The following FRMD5 variants were observed in gnomAD, a reference collection of about 807,000 sequenced individuals.
FRMD5 encodes the protein FERM domain containing 5.
A neutral mutation model predicts 69.0 loss-of-function variants in FRMD5; 20 were observed. The ratio of observed to expected loss-of-function variants is 0.29; its 90% CI spans 0.20 to 0.42. The LOEUF is 0.42. FRMD5 is among the 10% of genes least tolerant of loss of function. FRMD5 has a pLI of 1.00. For synonymous variants in FRMD5, 271 were observed against 260.1 expected (o/e 1.04, Z -0.40); for missense variants, 595 against 708.6 (o/e 0.84, Z 1.82).
At chr15:44,170,498 G>T (rs1183031943) in intron 1 of FRMD5, among the ~76,000 whole-genome samples, 1 of 151,910 alleles carries the variant, frequency 6.6e-6, no homozygotes, top group Non-Finnish European at 1.5e-5. Flanking sequence ...TCTCCAGCCT[G>T]GGCAACAGAG....
chr15:44,129,350 T>C (rs1595498095), intron 1 of FRMD5, among the ~76,000 whole-genome samples: 1 of 152,200 alleles, frequency 6.6e-6, no homozygotes. Flanking sequence ...AGTCAGATTC[T>C]AGAATTGCAA....
chr15:44,027,584 C>T (rs1408428488), intron 1 of FRMD5, among the ~76,000 whole-genome samples: 2 of 151,588 alleles, frequency 1.3e-5, no homozygotes, highest in Non-Finnish European at 2.9e-5. Flanking sequence ...ATGCCACTTT[C>T]ACGGCAGAAG....
intron 1 of FRMD5, among the ~76,000 whole-genome samples, chr15:44,135,230 C>G (rs914039225): frequency 3.3e-5 from 5 of 152,122 alleles, no homozygotes; most frequent in Admixed American, 1.3e-4. Context: ...AGAGTAGTGC[C>G]AGAAGCCTGG....
At chr15:43,946,788 G>A (rs776339357) in intron 1 of FRMD5, among the ~76,000 whole-genome samples, 56 of 152,246 alleles carry the variant, frequency 3.7e-4, no homozygotes, top group Non-Finnish European at 7.2e-4. Context: ...CCTACATGGT[G>A]GTCACATGGC....
At chr15:43,997,011 A>G (rs985451011) in intron 1 of FRMD5, among the ~76,000 whole-genome samples, 13 of 152,322 alleles carry the variant, frequency 8.5e-5, no homozygotes, top group South Asian at 2.1e-4. Flanking sequence ...TTAAAACATG[A>G]ATATCACTGA....
upstream of FRMD5, among the ~76,000 whole-genome samples, chr15:44,198,326 CAAA>C (rs35320478): frequency 9.3e-5 from 9 of 96,592 alleles, no homozygotes; most frequent in African/African-American, 4.2e-5. Context: ...GATCCTGTCT[CAAA>C]AAAAAAAAAA....
At chr15:43,970,146 C>T (rs1272680882) in intron 1 of FRMD5, among the ~76,000 whole-genome samples, 5 of 152,218 alleles carry the variant, frequency 3.3e-5, no homozygotes, top group South Asian at 2.1e-4. Context: ...AAAATTAAAA[C>T]TAGAACCAGG....
chr15:44,015,318 T>C (rs150305473), intron 1 of FRMD5, among the ~76,000 whole-genome samples: 1 of 152,026 alleles, frequency 6.6e-6, no homozygotes, highest in African/African-American at 2.4e-5. Context: ...TACCTTTTGG[T>C]TTTTACAGAG....
At chr15:43,906,262 C>G (rs1444509050) in intron 5 of FRMD5, among the ~76,000 whole-genome samples, 1 of 152,226 alleles carries the variant, frequency 6.6e-6, no homozygotes, top group Non-Finnish European at 1.5e-5. Context: ...CTATGGTCCT[C>G]ATCCATTCCG....
intron 3 of FRMD5, 63 bp downstream of exon 3, chr15:43,919,704 T>A: frequency 1.3e-6 from 2 of 1,512,138 alleles, no homozygotes; most frequent in Non-Finnish European, 1.8e-6. Context: ...TTGAGATAAG[T>A]GGGAGGTTTC....
chr15:44,151,393 T>C (rs1364844928), intron 1 of FRMD5, among the ~76,000 whole-genome samples: 1 of 129,676 alleles, frequency 7.7e-6, no homozygotes, highest in East Asian at 2.1e-4. Context: ...CGAGACTCCA[T>C]CTCAAAAAAA....
At chr15:43,884,028 C>T (rs1243158848) in intron 12 of FRMD5, among the ~76,000 whole-genome samples, 1 of 152,172 alleles carries the variant, frequency 6.6e-6, no homozygotes, top group Admixed American at 6.5e-5. Flanking sequence ...CTAGACTCAT[C>T]TGAACCTTTT....
upstream of FRMD5, among the ~76,000 whole-genome samples, chr15:44,197,826 G>A (rs1420191598): frequency 1.3e-5 from 2 of 152,276 alleles, no homozygotes; most frequent in South Asian, 2.1e-4. Context: ...GTGATGGTAG[G>A]AAAGTGTTTT....
Position 43,960,234 on chromosome 15 carries a change from G to A in FRMD5, c.103-35925C>T, listed in dbSNP as rs140428880. Among the ~76,000 whole-genome samples, 1,118 of 151,988 alleles carry A rather than the reference G, an allele frequency of 7.4e-3. 21 individuals carry two copies. Among genetic ancestry groups the A allele is most frequent in the East Asian group, 0.056 (289 of 5,160 alleles). On this transcript the variant is annotated intron_variant, in intron 1 of 13. Transcript: ENST00000417257. ...CTCCCAAGTAGCTGGGACTACAGGCGCCCACCACCACACCCGGCTAATTTA... is the reference window on the plus strand; with the variant it reads ...CTCCCAAGTAGCTGGGACTACAGGCACCCACCACCACACCCGGCTAATTTA...
intron 1 of FRMD5, among the ~76,000 whole-genome samples, chr15:44,073,556 A>G (rs1893629625): frequency 6.6e-6 from 1 of 152,240 alleles, no homozygotes; most frequent in South Asian, 2.1e-4. Context: ...TCATGGACAT[A>G]GGAATCTTGA....
At chr15:44,121,678 A>C (rs1310258645) in intron 1 of FRMD5, among the ~76,000 whole-genome samples, 1 of 151,964 alleles carries the variant, frequency 6.6e-6, no homozygotes, top group African/African-American at 2.4e-5. Context: ...CAAAAACAAA[A>C]AAACTCCTTA....
rs1051597264 is a variant in FRMD5 at position 44,112,878 on chromosome 15, A to G, written c.102+82075T>C. Among the ~76,000 whole-genome samples the G allele has an allele frequency of 2.0e-5, 3 of 152,216 alleles. No homozygotes were observed. In the East Asian group the frequency reaches 5.8e-4, roughly 29 times the overall value. On this transcript the variant is annotated intron_variant, in intron 1 of 13. Transcript: ENST00000417257. ...CCAAAGTGCTGGGACTACAGGCATG[A>G]GCCACCACACTCGGCCACCTTCACT...
At chr15:44,003,094 T>C (rs906807838) in intron 1 of FRMD5, among the ~76,000 whole-genome samples, 2 of 152,198 alleles carry the variant, frequency 1.3e-5, no homozygotes, top group Admixed American at 1.3e-4. Context: ...ATCCTTCTAG[T>C]TGCTCAGATA....
chr15:44,111,817 C>T (rs1422482518), intron 1 of FRMD5, among the ~76,000 whole-genome samples: 4 of 151,870 alleles, frequency 2.6e-5, no homozygotes, highest in East Asian at 1.9e-4. Context: ...GAAACCCATA[C>T]GCCAAAACTG....
Sources: allele counts gnomAD v4.1 joint callset (sites outside exome capture counted in the v4.1 genomes callset), GRCh38; gene constraint gnomAD v4.1.1; transcripts MANE v1.5; gene names NCBI Gene and HGNC (gene_info 2026-07-23, HGNC 2026-07-21).